Variants in CDA observed in about 807,000 individuals in gnomAD.
The protein encoded by CDA is cytidine aminohydrolase.
Under a neutral mutation model 15.0 loss-of-function variants are expected in CDA, and 7 were observed. That is an observed-to-expected ratio of 0.47 (90% CI 0.26 to 0.87). CDA has a LOEUF of 0.87. CDA is among the 40% of genes least tolerant of loss of function. The probability of loss-of-function intolerance (pLI) is 0.15; values close to 1 mark genes in which losing one functional copy is unlikely to be tolerated. For missense variants in CDA, 159 were observed against 182.7 expected, an observed-to-expected ratio of 0.87 and a Z score of 0.75; for synonymous variants, 58 against 73.0, an observed-to-expected ratio of 0.79 and a Z score of 1.05.
At chr1:20,608,624 G>T (rs1420483308) in intron 2 of CDA, among the ~76,000 whole-genome samples, 3 of 152,148 alleles carry the variant, frequency 2.0e-5, no homozygotes, top group Admixed American at 2.0e-4. Flanking sequence ...TGACCAAGCT[G>T]GTCTCGAACT....
At chr1:20,599,130 T>A (rs1035600660) in intron 1 of CDA, among the ~76,000 whole-genome samples, 9 of 151,998 alleles carry the variant, frequency 5.9e-5, no homozygotes, top group Non-Finnish European at 1.0e-4. Flanking sequence ...GGGTGAATAG[T>A]GCGCAAAAGG....
chr1:20,604,240 G>C (rs2052673519), intron 1 of CDA, among the ~76,000 whole-genome samples: 1 of 152,178 alleles, frequency 6.6e-6, no homozygotes, highest in Non-Finnish European at 1.5e-5. Context: ...AGACTGGGTA[G>C]CTTGTAAATA....
At chr1:20,617,360 C>T (rs147104778) in intron 3 of CDA, among the ~76,000 whole-genome samples, 123 of 152,340 alleles carry the variant, frequency 8.1e-4, no homozygotes, top group African/African-American at 2.7e-3. Context: ...TATGAAACCA[C>T]GCATGTGCAG....
In CDA at chr1:20,606,016, C is replaced by T. The variant is rs1229797518; in HGVS notation, c.266+977C>T. On this transcript the variant is annotated intron_variant, in intron 2 of 3. Coordinates refer to ENST00000375071, the MANE Select transcript of CDA (RefSeq NM_001785.3). The stretch of plus-strand genomic sequence containing the variant: ...TGGGGACTGCACAGAAGCAAGCCCA[C>T]GTGCCTTTTATAAGATCCTACACTT... Among the ~76,000 whole-genome samples, 142 of 125,878 alleles carry T rather than the reference C, an allele frequency of 1.1e-3. 30 individuals are homozygous for T. The highest frequency in any genetic ancestry group is 1.4e-3 in the Non-Finnish European group (79 of 56,580). The allele number at this position is 125,878 out of a possible 152,430, so 82.6% of individuals were successfully genotyped here. A position where few individuals can be genotyped will look rare whatever the true frequency, so the allele number is the denominator to read the frequency against.
In CDA at chr1:20,595,000, C is replaced by G. The variant is rs190912658; in HGVS notation, c.154+5717C>G. On this transcript the variant is annotated intron_variant, in intron 1 of 3. Transcript: ENST00000375071. The stretch of plus-strand genomic sequence containing the variant: ...CCCTGGGCTCGTGGGGAGTATGCAT[C>G]TGGCGATGAGACCACGACAGTGCCA... 3.8e-3 allele frequency among the ~76,000 whole-genome samples: 575 copies of G among 152,130 alleles called. 1 individual carries two copies. The highest frequency in any genetic ancestry group is 4.7e-3 in the Non-Finnish European group (319 of 68,006).
chr1:20,597,147 A>G (rs1197414967), intron 1 of CDA, among the ~76,000 whole-genome samples: 1 of 152,142 alleles, frequency 6.6e-6, no homozygotes, highest in Non-Finnish European at 1.5e-5. Flanking sequence ...CTGCAAGGCC[A>G]TAGAGAATAA....
At chr1:20,589,921 T>C (rs2052533562) in intron 1 of CDA, among the ~76,000 whole-genome samples, 1 of 151,318 alleles carries the variant, frequency 6.6e-6, no homozygotes, top group African/African-American at 2.4e-5. Context: ...AGCAGCGCCC[T>C]GCGGGGCGGG....
chr1:20,617,423 G>C (rs1408462052), intron 3 of CDA, among the ~76,000 whole-genome samples: 1 of 152,146 alleles, frequency 6.6e-6, no homozygotes, highest in Non-Finnish European at 1.5e-5. Context: ...ATCTTGAATT[G>C]TAGCTCCCAT....
rs937616505 is a variant in CDA, at chr1:20,605,005, G to T, written c.232G>T (p.Gly78Trp). ...RTAIQKAVSE[G>W]YKDFRAIAIA... ...CGCTATCCAGAAGGCCGTCTCAGAA[G>T]GGTACAAGGATTTCAGGGCAATTGC... Residue 78 changes from glycine (G) to tryptophan (W), a missense_variant, in exon 2 of 4, where the codon GGG (glycine) becomes TGG (tryptophan). Coordinates refer to ENST00000375071, the MANE Select transcript of CDA (RefSeq NM_001785.3). 1 of 1,613,852 alleles carries T rather than the reference G, an allele frequency of 6.2e-7. No homozygotes were observed. The highest frequency in any genetic ancestry group is 1.1e-5 in the South Asian group (1 of 91,032).
chr1:20,591,895 G>A (rs1376661729), intron 1 of CDA, among the ~76,000 whole-genome samples: 2 of 150,972 alleles, frequency 1.3e-5, no homozygotes, highest in Non-Finnish European at 3.0e-5. Flanking sequence ...CCAGGCTGGA[G>A]TGCAGTGGCG....
intron 3 of CDA, among the ~76,000 whole-genome samples, chr1:20,616,672 A>T (rs911859385): frequency 1.3e-5 from 2 of 152,184 alleles, no homozygotes; most frequent in Non-Finnish European, 2.9e-5. Context: ...GAGAGAAGGC[A>T]AATGAAAAAG....
At chr1:20,612,170 A>G (rs747370151) in intron 2 of CDA, among the ~76,000 whole-genome samples, 2 of 152,006 alleles carry the variant, frequency 1.3e-5, no homozygotes, top group Non-Finnish European at 2.9e-5. Flanking sequence ...ACCTGCACAT[A>G]CTATTTATTT....
intron 1 of CDA, among the ~76,000 whole-genome samples, chr1:20,598,216 G>C (rs2052606830): frequency 6.6e-6 from 1 of 152,196 alleles, no homozygotes; most frequent in Admixed American, 6.5e-5. Context: ...TTTAGGTCAT[G>C]AGGGCTCTGC....
At chr1:20,612,771 C>T (rs1316687673) in intron 2 of CDA, among the ~76,000 whole-genome samples, 7 of 151,802 alleles carry the variant, frequency 4.6e-5, no homozygotes, top group South Asian at 2.1e-4. Flanking sequence ...AGTGAAACCC[C>T]GTCTCTACTA....
intron 1 of CDA, among the ~76,000 whole-genome samples, chr1:20,598,729 G>A (rs899894219): frequency 2.0e-5 from 3 of 152,116 alleles, no homozygotes; most frequent in East Asian, 1.9e-4. Context: ...GCCCCCTCAC[G>A]ACCTAATCTA....
intron 2 of CDA, 30 bp downstream of exon 2, chr1:20,605,069 T>A (rs756528099): frequency 7.8e-5 from 96 of 1,236,708 alleles, no homozygotes; most frequent in Non-Finnish European, 1.1e-4. Context: ...TGCAACAATA[T>A]TCATTCATCT....
chr1:20,618,059 A>T (rs903156156), intron 3 of CDA, among the ~76,000 whole-genome samples: 15 of 151,880 alleles, frequency 9.9e-5, no homozygotes, highest in Non-Finnish European at 1.6e-4. Flanking sequence ...GCTTGAGAAC[A>T]GACTAATACA....
At chr1:20,603,655 T>C (rs1352272088) in intron 1 of CDA, among the ~76,000 whole-genome samples, 3 of 152,210 alleles carry the variant, frequency 2.0e-5, no homozygotes, top group Non-Finnish European at 4.4e-5. Context: ...GAGGCACTTG[T>C]ATTACTTAAA....
At chr1:20,589,791 G>A (rs1434511733) in intron 1 of CDA, among the ~76,000 whole-genome samples, 1 of 152,172 alleles carries the variant, frequency 6.6e-6, no homozygotes, top group African/African-American at 2.4e-5. Context: ...CCAAAGCCCT[G>A]CTCTCTTCCT....
Sources: allele counts gnomAD v4.1 joint callset (sites outside exome capture counted in the v4.1 genomes callset), GRCh38; gene constraint gnomAD v4.1.1; transcripts MANE v1.5; gene names NCBI Gene and HGNC (gene_info 2026-07-23, HGNC 2026-07-21).